Variants in DNAJC11 observed in about 807,000 individuals in gnomAD.
The protein encoded by DNAJC11 is dnaJ homolog subfamily C member 11.
A neutral mutation model predicts 78.6 loss-of-function variants in DNAJC11; 15 were observed. The ratio of observed to expected loss-of-function variants is 0.19; its 90% CI spans 0.13 to 0.29. The LOEUF (loss-of-function observed/expected upper bound fraction) is 0.29. Ranked by LOEUF, DNAJC11 falls within the 10% of genes least tolerant of loss-of-function variation. DNAJC11 has a pLI of 1.00. For synonymous variants in DNAJC11, 292 were observed against 272.1 expected (o/e 1.07, Z -0.72); for missense variants, 547 against 709.6 (o/e 0.77, Z 2.60).
chr1:6,639,745 C>T (rs1641845077), intron 11 of DNAJC11, among the ~76,000 whole-genome samples, 157 bp downstream of exon 11: 1 of 152,186 alleles, frequency 6.6e-6, no homozygotes, highest in African/African-American at 2.4e-5. Flanking sequence ...ATTTACCAAT[C>T]GTGACCCAGA....
intron 7 of DNAJC11, among the ~76,000 whole-genome samples, chr1:6,648,422 T>C (rs368131706): frequency 1.3e-5 from 2 of 152,068 alleles, no homozygotes; most frequent in African/African-American, 2.4e-5. Flanking sequence ...TCCCAAAGTG[T>C]TGGGATTACA....
chr1:6,637,184 T>TG lies in DNAJC11; in HGVS notation c.1524+13dup. On this transcript the variant is annotated intron_variant, in intron 14 of 15. Transcript: ENST00000377577. ...CTGTGAGCACATAGCATGTGGTGGC[T>TG]GGTGCTGCTGTACCTTGGAGGCCTC... 1 of 1,613,990 alleles carries TG rather than the reference T, an allele frequency of 6.2e-7. No homozygotes were observed. The highest frequency in any genetic ancestry group is 1.3e-5 in the African/African-American group (1 of 75,050).
chr1:6,643,088 C>A (rs192667656), intron 10 of DNAJC11, among the ~76,000 whole-genome samples: 1 of 151,952 alleles, frequency 6.6e-6, no homozygotes, highest in African/African-American at 2.4e-5. Context: ...CAGGAGGGAA[C>A]GGCCACCGCG....
chr1:6,666,254 T>C (rs1397566736), intron 4 of DNAJC11, among the ~76,000 whole-genome samples: 1 of 152,030 alleles, frequency 6.6e-6, no homozygotes, highest in Non-Finnish European at 1.5e-5. Flanking sequence ...GAGATGGACA[T>C]GTTCTGGATA....
chr1:6,638,901 A>C (rs376848056), intron 11 of DNAJC11, among the ~76,000 whole-genome samples: 18 of 152,228 alleles, frequency 1.2e-4, no homozygotes, highest in African/African-American at 4.3e-4. Flanking sequence ...CCTTGGGGTC[A>C]GCATATGCCT....
intron 7 of DNAJC11, among the ~76,000 whole-genome samples, chr1:6,648,597 C>T (rs1341718239): frequency 6.6e-6 from 1 of 152,190 alleles, no homozygotes; most frequent in Non-Finnish European, 1.5e-5. Flanking sequence ...GCTGGGATTA[C>T]AGGTGTGTGC....
intron 3 of DNAJC11, among the ~76,000 whole-genome samples, chr1:6,674,487 G>A (rs1330832228): frequency 1.3e-5 from 2 of 151,608 alleles, no homozygotes; most frequent in African/African-American, 4.9e-5. Context: ...CTTGAACCCC[G>A]GAAGCAGAGG....
chr1:6,657,896 T>C (rs185664423), intron 4 of DNAJC11, among the ~76,000 whole-genome samples: 64 of 152,306 alleles, frequency 4.2e-4, no homozygotes, highest in Admixed American at 1.6e-3. Context: ...CTGCCCACCT[T>C]GGCCTCCCAA....
rs1462922165 is a variant in DNAJC11, at chr1:6,680,848, C to G, written c.202+60G>C. The G allele has an allele frequency of 1.9e-6, 3 of 1,590,144 alleles. No homozygotes were observed. The East Asian group carries it at 6.8e-5, about 36-fold the overall frequency. ...TTTTTCTATCCTCTACAAATCGCACCTCCTAAAAATCGAATATCTGTTACC... is the reference window on the plus strand; with the variant it reads ...TTTTTCTATCCTCTACAAATCGCACGTCCTAAAAATCGAATATCTGTTACC... On this transcript the variant is annotated intron_variant, in intron 2 of 15. Coordinates refer to ENST00000377577, the MANE Select transcript of DNAJC11 (RefSeq NM_018198.4). This position sits in a 1 kb window ranked among gnomAD's most constrained non-coding sequence, Gnocchi z 4.0.
intron 3 of DNAJC11, among the ~76,000 whole-genome samples, chr1:6,676,618 T>C (rs1570301166): frequency 6.6e-6 from 1 of 151,960 alleles, no homozygotes; most frequent in East Asian, 1.9e-4. Context: ...AGGTCGAGGG[T>C]GCAGTGAGCC....
At chr1:6,664,982 G>C (rs1442469522) in intron 4 of DNAJC11, among the ~76,000 whole-genome samples, 5 of 152,154 alleles carry the variant, frequency 3.3e-5, no homozygotes, top group Non-Finnish European at 7.3e-5. Flanking sequence ...GCAATATCAC[G>C]CACGGGATAC....
chr1:6,700,939 C>T (rs2147890590), intron 1 of DNAJC11, among the ~76,000 whole-genome samples: 1 of 152,302 alleles, frequency 6.6e-6, no homozygotes. Flanking sequence ...ATCTCAACTC[C>T]AGACTAGTCA....
rs747901916 is a variant in DNAJC11, at chr1:6,695,143, CAAA to C, written c.72+6583_72+6585del. ...CCTGGGTGACAGAGCGAGACTCTCTCAAAAAAAAAAAAAAAAAAATTTTTTTTT... is the reference window on the plus strand; with the variant it reads ...CCTGGGTGACAGAGCGAGACTCTCTCAAAAAAAAAAAAAAAATTTTTTTTT... On this transcript the variant is annotated intron_variant, in intron 1 of 15. Coordinates refer to ENST00000377577, the MANE Select transcript of DNAJC11 (RefSeq NM_018198.4). Among the ~76,000 whole-genome samples, 50 of 134,474 alleles carry C rather than the reference CAAA, an allele frequency of 3.7e-4. 1 individual carries two copies. The East Asian group carries it at 4.6e-3, about 12-fold the overall frequency. 88.2% of individuals were successfully genotyped at this position (134,474 alleles called of 152,430 possible).
chr1:6,694,414 G>A (rs953601904), intron 1 of DNAJC11, among the ~76,000 whole-genome samples: 1 of 152,022 alleles, frequency 6.6e-6, no homozygotes, highest in Admixed American at 6.6e-5. Flanking sequence ...AGATAGCAGG[G>A]GGACCCCTGC....
chr1:6,647,255 G>C (rs117182639), intron 7 of DNAJC11, among the ~76,000 whole-genome samples: 1 of 151,714 alleles, frequency 6.6e-6, no homozygotes, highest in Non-Finnish European at 1.5e-5. Context: ...TTAATATTTT[G>C]TATTTTTAGT....
At position 6,634,208 on chromosome 1, in the gene DNAJC11, T is replaced by C. The variant is rs532794371; in HGVS notation, c.*1467A>G. ...GGTTTATTGTGGTGAGTGCCTTCTG[T>C]ACAGTCGACTGCAAATGAAACGCAG... On this transcript the variant is annotated 3_prime_UTR_variant, in exon 16 of 16. Coordinates refer to ENST00000377577, the MANE Select transcript of DNAJC11 (RefSeq NM_018198.4). 7 of 994,386 alleles carry C rather than the reference T, an allele frequency of 7.0e-6. No individual in the cohort carries two copies. The highest frequency in any genetic ancestry group is 6.4e-5 in the African/African-American group (4 of 62,030). 61.6% of individuals were successfully genotyped at this position (994,386 alleles called of 1,614,324 possible). A position where few individuals can be genotyped will look rare whatever the true frequency, so the allele number is the denominator to read the frequency against.
At chr1:6,646,105 TAAA>T in intron 7 of DNAJC11, 127 bp from the exon 8 acceptor site, 1 of 741,560 alleles carries the variant, frequency 1.3e-6, no homozygotes, top group Non-Finnish European at 2.0e-6. Flanking sequence ...CAGCTCCCAG[TAAA>T]AAAAAAAGCA....
At chr1:6,677,266 C>CA (rs1487410613) in intron 3 of DNAJC11, among the ~76,000 whole-genome samples, 9 of 151,122 alleles carry the variant, frequency 6.0e-5, no homozygotes, top group African/African-American at 2.2e-4. Context: ...AACAGACTAG[C>CA]AAAATTTATT....
Position 6,634,566 on chromosome 1 carries a change from A to G in DNAJC11, c.*1109T>C, listed in dbSNP as rs1276624438. ...GCGGCGCTTGCTCCGAGGGGTCAGCAAGAGCAACTGATGGCTGCCACTTCC... is the reference window on the plus strand; with the variant it reads ...GCGGCGCTTGCTCCGAGGGGTCAGCGAGAGCAACTGATGGCTGCCACTTCC... On this transcript the variant is annotated 3_prime_UTR_variant, in exon 16 of 16. Coordinates refer to ENST00000377577, the MANE Select transcript of DNAJC11 (RefSeq NM_018198.4). The G allele has an allele frequency of 7.3e-7, 1 of 1,365,806 alleles. No individual in the cohort carries two copies. The highest frequency in any genetic ancestry group is 9.8e-7 in the Non-Finnish European group (1 of 1,021,720). 84.6% of individuals were successfully genotyped at this position (1,365,806 alleles called of 1,614,324 possible).
Sources: allele counts gnomAD v4.1 joint callset (sites outside exome capture counted in the v4.1 genomes callset), GRCh38; gene constraint gnomAD v4.1.1; non-coding constraint Gnocchi (gnomAD v3.1); transcripts MANE v1.5; gene names NCBI Gene and HGNC (gene_info 2026-07-23, HGNC 2026-07-21).